The following NOXRED1 variants were observed in gnomAD, a reference collection of about 807,000 sequenced individuals.
NOXRED1 encodes the protein NADP-dependent oxidoreductase domain-containing protein 1.
Under a neutral mutation model 30.4 loss-of-function variants are expected in NOXRED1, and 20 were observed. The ratio of observed to expected loss-of-function variants is 0.66; its 90% CI spans 0.46 to 0.96. The LOEUF is 0.96. Ranked by LOEUF, NOXRED1 falls within the 40% of genes least tolerant of loss-of-function variation. The probability of loss-of-function intolerance (pLI) is 0.00; values close to 1 mark genes in which losing one functional copy is unlikely to be tolerated. For synonymous variants in NOXRED1, 155 were observed against 168.0 expected (o/e 0.92, Z 0.60); for missense variants, 374 against 428.0 (o/e 0.87, Z 1.11).
chr14:77,401,815 G>A (rs1236658920), intron 5 of NOXRED1, among the ~76,000 whole-genome samples: 1 of 152,236 alleles, frequency 6.6e-6, no homozygotes, highest in Non-Finnish European at 1.5e-5. Context: ...CAGTAATCAT[G>A]ACAGTGCAGT....
rs913790018 is a variant in NOXRED1, at chr14:77,414,258, C to T, written c.156-131G>A. ...GTGCAATGGGGTGATCTTGACTCAC[C>T]GCAAGCTCCGCCTCCCAGGTTCACG... is the stretch of plus-strand genomic sequence containing the variant. On this transcript the variant is annotated intron_variant, in intron 1 of 5. Coordinates refer to ENST00000380835, the MANE Select transcript of NOXRED1 (RefSeq NM_001113475.3). 4.9e-5 allele frequency: 25 copies of T among 512,974 alleles called. No homozygotes were observed. The East Asian group carries it at 5.8e-4, about 12-fold the overall frequency. The allele number at this position is 512,974 out of a possible 1,614,324, so 31.8% of individuals were successfully genotyped here.
At chr14:77,420,090 G>A (rs1894947815) in intron 1 of NOXRED1, among the ~76,000 whole-genome samples, 1 of 152,032 alleles carries the variant, frequency 6.6e-6, no homozygotes, top group South Asian at 2.1e-4. Flanking sequence ...TTCTCCTTCT[G>A]ACATTCCCAT....
At chr14:77,414,440 A>G (rs545907579) in intron 1 of NOXRED1, among the ~76,000 whole-genome samples, 2 of 152,160 alleles carry the variant, frequency 1.3e-5, no homozygotes, top group East Asian at 1.9e-4. Context: ...TGGCCTCCCA[A>G]AGTGCTGGGA....
intron 1 of NOXRED1, among the ~76,000 whole-genome samples, chr14:77,415,064 T>C (rs1056072280): frequency 7.9e-5 from 12 of 152,052 alleles, no homozygotes; most frequent in Admixed American, 6.6e-4. Context: ...TAGTCCCAGC[T>C]ACCCAGGAGG....
At chr14:77,420,915 G>A (rs1044939016) in intron 1 of NOXRED1, among the ~76,000 whole-genome samples, 5 of 152,168 alleles carry the variant, frequency 3.3e-5, no homozygotes, top group Non-Finnish European at 5.9e-5. Flanking sequence ...TATTGCAGGG[G>A]CTGATAATCT....
intron 5 of NOXRED1, among the ~76,000 whole-genome samples, chr14:77,403,226 T>C (rs899835920): frequency 6.6e-6 from 1 of 152,122 alleles, no homozygotes; most frequent in East Asian, 1.9e-4. Context: ...TAAATTAGGG[T>C]TGACAAACTA....
At chr14:77,408,150 G>A (rs568971734) in intron 2 of NOXRED1, among the ~76,000 whole-genome samples, 4 of 152,258 alleles carry the variant, frequency 2.6e-5, no homozygotes, top group South Asian at 2.1e-4. Context: ...TTACAGGCGT[G>A]AGCCACCACG....
At chr14:77,422,248 T>G (rs749267489) in intron 1 of NOXRED1, among the ~76,000 whole-genome samples, 11 of 152,218 alleles carry the variant, frequency 7.2e-5, no homozygotes, top group Non-Finnish European at 1.6e-4. Context: ...GAATCAAGAC[T>G]GGACTGACAG....
At chr14:77,419,683 C>T (rs1441475926) in intron 1 of NOXRED1, among the ~76,000 whole-genome samples, 4 of 150,782 alleles carry the variant, frequency 2.7e-5, no homozygotes, top group Admixed American at 6.6e-5. Flanking sequence ...GTCCTGACAT[C>T]GTGATCCGCC....
intron 1 of NOXRED1, among the ~76,000 whole-genome samples, chr14:77,420,120 T>C (rs529858475): frequency 2.6e-5 from 4 of 152,302 alleles, no homozygotes; most frequent in African/African-American, 7.2e-5. Context: ...ATTGACCCAC[T>C]TGATAGTATC....
chr14:77,400,826 T>C lies in NOXRED1; in HGVS notation c.905+5087A>G, dbSNP rs533950786. Among the ~76,000 whole-genome samples, 4 of 152,298 alleles carry C rather than the reference T, an allele frequency of 2.6e-5. No homozygotes were observed. In the South Asian group the frequency reaches 8.3e-4, roughly 32 times the overall value. On this transcript the variant is annotated intron_variant, in intron 5 of 5. Coordinates refer to ENST00000380835, the MANE Select transcript of NOXRED1 (RefSeq NM_001113475.3). ...ATTTAAAATTAAAAACACATTACCA[T>C]TTATATTAGAACCCCCAAAATGAAA...
chr14:77,398,448 G>A (rs182607249), intron 5 of NOXRED1, among the ~76,000 whole-genome samples: 150 of 152,270 alleles, frequency 9.9e-4, no homozygotes, highest in African/African-American at 3.5e-3. Flanking sequence ...ACTGACCTGG[G>A]GGAAGAGAAA....
intron 5 of NOXRED1, among the ~76,000 whole-genome samples, chr14:77,397,881 C>CA (rs34854528): frequency 0.26 from 26,718 of 102,322 alleles, 2,795 homozygotes; most frequent in Admixed American, 0.35. Context: ...AACTCCATCT[C>CA]AAAAAAAAAA....
chr14:77,423,902 T>A (rs1895064500), upstream of NOXRED1, among the ~76,000 whole-genome samples: 1 of 152,206 alleles, frequency 6.6e-6, no homozygotes, highest in Non-Finnish European at 1.5e-5. Context: ...ACATTCAGAA[T>A]GTTGTGCCAC....
upstream of NOXRED1, among the ~76,000 whole-genome samples, chr14:77,425,042 A>G (rs77462772): frequency 2.5e-3 from 386 of 152,264 alleles, 1 homozygote; most frequent in African/African-American, 8.8e-3. Flanking sequence ...TTTCATTTCC[A>G]TGACAAAGGC....
intron 2 of NOXRED1, among the ~76,000 whole-genome samples, chr14:77,408,083 G>C (rs538993798): frequency 9.9e-5 from 15 of 152,212 alleles, no homozygotes; most frequent in African/African-American, 3.6e-4. Context: ...GGCCAGGCTG[G>C]TCTCAAATTC....
At chr14:77,395,512 A>T (rs1894158298) in intron 5 of NOXRED1, among the ~76,000 whole-genome samples, 1 of 152,132 alleles carries the variant, frequency 6.6e-6, no homozygotes, top group Admixed American at 6.6e-5. Flanking sequence ...TGTATAGATT[A>T]AAAAGTAGGC....
chr14:77,421,016 T>C (rs1341586191), intron 1 of NOXRED1, among the ~76,000 whole-genome samples: 2 of 152,246 alleles, frequency 1.3e-5, no homozygotes, highest in Non-Finnish European at 2.9e-5. Context: ...CCAAAATATG[T>C]TGGTTCCTCA....
intron 1 of NOXRED1, among the ~76,000 whole-genome samples, chr14:77,420,155 A>ACTTTT (rs1245184064): frequency 1.3e-5 from 2 of 151,966 alleles, no homozygotes; most frequent in Admixed American, 1.3e-4. Context: ...GATTTTCTTC[A>ACTTTT]CTTTTCTTTT....
Sources: gnomAD v4.1 joint callset for allele counts (sites outside exome capture counted in the v4.1 genomes callset) on GRCh38, gnomAD v4.1.1 for gene constraint, MANE v1.5 for transcripts, NCBI Gene and HGNC (gene_info 2026-07-23, HGNC 2026-07-21) for gene names.